The following NDUFB10 variants were observed in gnomAD, a reference collection of about 807,000 sequenced individuals.
NDUFB10 encodes the protein NADH:ubiquinone oxidoreductase subunit B10.
A neutral mutation model predicts 19.0 loss-of-function variants in NDUFB10; 23 were observed. The ratio of observed to expected loss-of-function variants is 1.21; its 90% CI spans 0.87 to 1.71. NDUFB10 has a LOEUF of 1.71. Ranked by LOEUF, NDUFB10 falls within the 40% of genes most tolerant of loss-of-function variation. The pLI is 0.00. For synonymous variants in NDUFB10, 104 were observed against 81.8 expected (o/e 1.27, Z -1.46); for missense variants, 312 against 230.6 (o/e 1.35, Z -2.29).
rs746337113 is a variant in NDUFB10 at position 1,961,524 on chromosome 16, T to C, written c.297T>C (p.Ile99=). ...AAGTCGACCAAGAAATTATCAACAT[T>C]ATGCAGGATCGGCTCAAAGCCTGTC... The part of the protein sequence containing the change: ...DYKVDQEIIN[I]MQDRLKACQQ... Residue 99 remains isoleucine (I), a synonymous_variant, in exon 3 of 4, where the codon ATT becomes ATC. Transcript: ENST00000268668. 2 of 1,613,880 alleles carry C rather than the reference T, an allele frequency of 1.2e-6. No homozygotes were observed. The highest frequency in any genetic ancestry group is 8.5e-7 in the Non-Finnish European group (1 of 1,180,016).
intron 1 of NDUFB10, 26 bp from the exon 2 acceptor site, chr16:1,961,127 T>G (rs776188770): frequency 6.2e-7 from 1 of 1,612,608 alleles, no homozygotes; most frequent in Non-Finnish European, 8.5e-7. Flanking sequence ...GATGAGGCAT[T>G]TGAGTCTGTG....
In NDUFB10 at chr16:1,959,716, T is replaced by C; in HGVS notation, c.92T>C (p.Phe31Ser). ...PNPIVYMMKA[F>S]DLIVDRPVTL... The stretch of plus-strand genomic sequence containing the variant: ...CCCATCGTCTACATGATGAAAGCGT[T>C]CGACCTCATCGTGGACCGACCCGTG... The change falls in exon 1 of 4, where the codon TTC (phenylalanine) becomes TCC (serine). Residue 31 changes from phenylalanine to serine, a missense_variant. By Grantham distance (155) the Phe-to-Ser change is radical (BLOSUM62 -2). Coordinates refer to ENST00000268668, the MANE Select transcript of NDUFB10 (RefSeq NM_004548.3). The C allele has an allele frequency of 6.2e-7, 1 of 1,613,310 alleles. No homozygotes were observed. The highest frequency in any genetic ancestry group is 1.1e-5 in the South Asian group (1 of 91,086).
intron 3 of NDUFB10, 47 bp downstream of exon 3, chr16:1,961,683 TG>T (rs760258712): frequency 9.2e-7 from 1 of 1,084,244 alleles, no homozygotes; most frequent in South Asian, 1.4e-5. Context: ...TCCTGAGGCC[TG>T]GGGGCCAGAA....
At chr16:1,961,116 C>G (rs748025466) in intron 1 of NDUFB10, 37 bp from the exon 2 acceptor site, 4 of 1,609,996 alleles carry the variant, frequency 2.5e-6, no homozygotes, top group Admixed American at 3.3e-5. Flanking sequence ...CTGTCCAAAC[C>G]GATGAGGCAT....
chr16:1,961,450 A>T (rs192081722), intron 2 of NDUFB10, 47 bp from the exon 3 acceptor site: 43 of 1,608,202 alleles, frequency 2.7e-5, no homozygotes, highest in Non-Finnish European at 3.6e-5. Context: ...AGGGTACAGG[A>T]AAAGGATTCC....
At chr16:1,960,573 T>TC (rs2083247050) in intron 1 of NDUFB10, among the ~76,000 whole-genome samples, 1 of 152,210 alleles carries the variant, frequency 6.6e-6, no homozygotes, top group Non-Finnish European at 1.5e-5. Flanking sequence ...TGGTGGTTCT[T>TC]CCGTAAGAGG....
chr16:1,960,214 C>T (rs959942235), intron 1 of NDUFB10, among the ~76,000 whole-genome samples: 16 of 110,288 alleles, frequency 1.5e-4, no homozygotes, highest in Non-Finnish European at 2.3e-4. Flanking sequence ...ATGCCCAGTT[C>T]AGTTTTTGTT....
At chr16:1,959,843 T>C in intron 1 of NDUFB10, 89 bp downstream of exon 1, 1 of 1,548,760 alleles carries the variant, frequency 6.5e-7, no homozygotes, top group South Asian at 1.2e-5. Context: ...GCCTCCGGGG[T>C]CCCGTCTGCC....
At chr16:1,960,869 G>A (rs2083249127) in intron 1 of NDUFB10, among the ~76,000 whole-genome samples, 2 of 152,250 alleles carry the variant, frequency 1.3e-5, no homozygotes, top group African/African-American at 4.8e-5. Context: ...CCATCTGTGA[G>A]AAGCAGCTGC....
In NDUFB10 at chr16:1,961,621, G is replaced by A; in HGVS notation, c.394G>A (p.Ala132Thr). Residue 132 changes from alanine (A) to threonine (T), a missense_variant, in exon 3 of 4, where the codon GCC becomes ACC. Coordinates refer to ENST00000268668, the MANE Select transcript of NDUFB10 (RefSeq NM_004548.3). ...GGAGCAGTTCACCCAGGTGGCCAAG[G>A]CCTACCAGGACCGCTGTGCGTGCCC... Reference protein sequence around the residue: ...EVEQFTQVAKAYQDRYQDLGA... With the variant: ...EVEQFTQVAKTYQDRYQDLGA... 1.2e-6 allele frequency: 2 copies of A among 1,613,238 alleles called. No individual in the cohort carries two copies. The highest frequency in any genetic ancestry group is 3.5e-4 in the Middle Eastern group (2 of 5,698).
At chr16:1,959,898 G>C in intron 1 of NDUFB10, 144 bp downstream of exon 1, 3 of 1,139,964 alleles carry the variant, frequency 2.6e-6, no homozygotes, top group Non-Finnish European at 2.5e-6. Flanking sequence ...CCCCACCCCC[G>C]GAGACCTCCG....
chr16:1,961,321 T>A (rs1307815925), intron 2 of NDUFB10, 30 bp downstream of exon 2: 5 of 1,612,886 alleles, frequency 3.1e-6, no homozygotes, highest in Non-Finnish European at 3.4e-6. Context: ...AGTGTGGAGA[T>A]CTGCACCGTG....
Position 1,959,679 on chromosome 16 carries a change from G to A in NDUFB10, c.55G>A (p.Val19Met), listed in dbSNP as rs768481720. ...VYPEPPRRTP[V>M]QPNPIVYMMK... is the part of the protein sequence containing the mutation. ...CCCTGAGCCCCCGCGCCGCACGCCGGTGCAGCCCAATCCCATCGTCTACAT... is the reference window on the plus strand; with the variant it reads ...CCCTGAGCCCCCGCGCCGCACGCCGATGCAGCCCAATCCCATCGTCTACAT... The change falls in exon 1 of 4, where the codon GTG (valine) becomes ATG (methionine). Residue 19 changes from valine to methionine, a missense_variant. Transcript: ENST00000268668. 2 of 1,613,244 alleles carry A rather than the reference G, an allele frequency of 1.2e-6. No homozygotes were observed. The highest frequency in any genetic ancestry group is 1.7e-5 in the Admixed American group (1 of 60,010).
rs770984716 is a variant in NDUFB10 at position 1,961,633 on chromosome 16, C to T, written c.406C>T (p.Arg136Cys). ...FTQVAKAYQD[R>C]YQDLGAYSSA... ...CCAGGTGGCCAAGGCCTACCAGGACCGCTGTGCGTGCCCCACCCACCCCCA... is the reference window on the plus strand; with the variant it reads ...CCAGGTGGCCAAGGCCTACCAGGACTGCTGTGCGTGCCCCACCCACCCCCA... The change falls in exon 3 of 4, where the codon CGC becomes TGC. Residue 136 changes from arginine to cysteine, a missense_variant. Arg to Cys is a radical substitution (Grantham distance 180). Transcript: ENST00000268668. The T allele has an allele frequency of 1.1e-5, 18 of 1,610,120 alleles. No homozygotes were observed. Among genetic ancestry groups the T allele is most frequent in the Admixed American group, 8.4e-5 (5 of 59,654 alleles).
rs372719225 is a variant in NDUFB10 at position 1,961,139 on chromosome 16, C to T, written c.131-14C>T. ...ACCGATGAGGCATTTGAGTCTGTGG[C>T]TTTGTCTTTGCAGAATTTATAGAGC... On this transcript the variant is annotated splice_polypyrimidine_tract_variant and intron_variant, in intron 1 of 3. Coordinates refer to ENST00000268668, the MANE Select transcript of NDUFB10 (RefSeq NM_004548.3). The T allele has an allele frequency of 5.6e-6, 9 of 1,613,284 alleles. No homozygotes were observed. The African/African-American group carries it at 1.1e-4, about 19-fold the overall frequency.
rs761010309 is a variant in NDUFB10 at position 1,961,164 on chromosome 16, C to T, written c.142C>T (p.Arg48Trp). The T allele has an allele frequency of 9.9e-6, 16 of 1,613,912 alleles. No homozygotes were observed. Among genetic ancestry groups the T allele is most frequent in the African/African-American group, 1.3e-5 (1 of 75,040 alleles). The change falls in exon 2 of 4, where the codon CGG becomes TGG. Residue 48 changes from arginine (R) to tryptophan (W), a missense_variant. Coordinates refer to ENST00000268668, the MANE Select transcript of NDUFB10 (RefSeq NM_004548.3). ...CTTTGTCTTTGCAGAATTTATAGAG[C>T]GGCAGCACGCAAAGAACAGGTATTA... The part of the protein sequence containing the change: ...PVTLVREFIE[R>W]QHAKNRYYYY...
At chr16:1,960,252 C>T (rs1330498895) in intron 1 of NDUFB10, among the ~76,000 whole-genome samples, 1 of 151,162 alleles carries the variant, frequency 6.6e-6, no homozygotes. Flanking sequence ...GACAGTCTCA[C>T]TCTGTTGCCC....
chr16:1,959,609 C>A lies in NDUFB10; in HGVS notation c.-16C>A. 1 of 1,602,306 alleles carries A rather than the reference C, an allele frequency of 6.2e-7. No individual in the cohort carries two copies. The highest frequency in any genetic ancestry group is 8.5e-7 in the Non-Finnish European group (1 of 1,174,496). The stretch of plus-strand genomic sequence containing the variant: ...GGGCAGCGCGTCCGGGAGCGGAGTC[C>A]GCGCCCGCCGCCGCCATGCCGGACA... On this transcript the variant is annotated 5_prime_UTR_variant, in exon 1 of 4. Coordinates refer to ENST00000268668, the MANE Select transcript of NDUFB10 (RefSeq NM_004548.3).
rs2083240963 is a variant in NDUFB10, at chr16:1,959,710, A to G, written c.86A>G (p.Lys29Arg). 1 of 1,613,256 alleles carries G rather than the reference A, an allele frequency of 6.2e-7. No homozygotes were observed. The highest frequency in any genetic ancestry group is 8.5e-7 in the Non-Finnish European group (1 of 1,179,770). Residue 29 changes from lysine (K) to arginine (R), a missense_variant, in exon 1 of 4, where the codon AAA becomes AGA. By Grantham distance (26) the Lys-to-Arg change is conservative. Coordinates refer to ENST00000268668, the MANE Select transcript of NDUFB10 (RefSeq NM_004548.3). The part of the protein sequence containing the change: ...VQPNPIVYMM[K>R]AFDLIVDRPV... ...CCCAATCCCATCGTCTACATGATGA[A>G]AGCGTTCGACCTCATCGTGGACCGA... is the stretch of plus-strand genomic sequence containing the variant.
Sources: allele counts gnomAD v4.1 joint callset (sites outside exome capture counted in the v4.1 genomes callset), GRCh38; gene constraint gnomAD v4.1.1; transcripts MANE v1.5; gene names NCBI Gene and HGNC (gene_info 2026-07-23, HGNC 2026-07-21).